The following CEP152 variants were observed in gnomAD, a reference collection of about 807,000 sequenced individuals.
CEP152 encodes the protein centrosomal protein 152.
Under a neutral mutation model 188.9 loss-of-function variants are expected in CEP152, and 132 were observed. That is an observed-to-expected ratio of 0.70 (90% CI 0.61 to 0.81). CEP152 has a LOEUF of 0.81. CEP152 is among the 30% of genes least tolerant of loss of function. CEP152 has a pLI of 0.00. For missense variants in CEP152, 1,914 were observed against 1,969.8 expected (o/e 0.97, Z 0.54); for synonymous variants, 649 against 666.6 (o/e 0.97, Z 0.41).
chr15:48,779,399 A>C (rs1317558560), intron 12 of CEP152, among the ~76,000 whole-genome samples: 6 of 152,240 alleles, frequency 3.9e-5, no homozygotes, highest in Non-Finnish European at 8.8e-5. Context: ...TTGAGAATCA[A>C]GAACATTTAC....
At chr15:48,793,282 C>T (rs1221972447) in intron 7 of CEP152, 39 bp downstream of exon 7, 4 of 1,610,206 alleles carry the variant, frequency 2.5e-6, no homozygotes, top group East Asian at 4.5e-5. Flanking sequence ...AGATATCTAA[C>T]TCAGTGTACC....
chr15:48,737,117 C>T (rs1042823563), downstream of CEP152, among the ~76,000 whole-genome samples: 18 of 152,072 alleles, frequency 1.2e-4, no homozygotes, highest in African/African-American at 4.3e-4. Context: ...CAGAGCTTTC[C>T]AAGCCCAAAA....
Position 48,744,786 on chromosome 15 carries a change from C to T in CEP152, c.3731+110G>A, listed in dbSNP as rs1893282459. 6 of 1,027,296 alleles carry T rather than the reference C, an allele frequency of 5.8e-6. No homozygotes were observed. The South Asian group carries it at 8.7e-5, about 15-fold the overall frequency. 63.6% of individuals were successfully genotyped at this position (1,027,296 alleles called of 1,614,324 possible). A position where few individuals can be genotyped will look rare whatever the true frequency, so the allele number is the denominator to read the frequency against. ...AAATAAGGTTTTGGGGGATTTTCTT[C>T]TTTTTTATACTTTTTGCTGTATAAC... On this transcript the variant is annotated intron_variant, in intron 23 of 26. Transcript: ENST00000380950.
At chr15:48,745,032 T>C (rs748986956) in intron 22 of CEP152, 40 bp from the exon 23 acceptor site, 97 of 1,436,232 alleles carry the variant, frequency 6.8e-5, no homozygotes, top group Non-Finnish European at 5.8e-5. Context: ...CAGTTAAAAA[T>C]TTTTTAAGCC....
At chr15:48,778,823 C>T (rs1896076235) in intron 12 of CEP152, among the ~76,000 whole-genome samples, 1 of 151,994 alleles carries the variant, frequency 6.6e-6, no homozygotes, top group African/African-American at 2.4e-5. Context: ...GTGGCACATG[C>T]CTGTATTCCC....
Position 48,772,581 on chromosome 15 carries a change from A to G in CEP152, c.1688T>C (p.Leu563Pro), listed in dbSNP as rs1407669047. 2 of 1,614,112 alleles carry G rather than the reference A, an allele frequency of 1.2e-6. No homozygotes were observed. The highest frequency in any genetic ancestry group is 1.7e-5 in the Admixed American group (1 of 60,026). The change falls in exon 13 of 27, where the codon CTG becomes CCG. Residue 563 changes from leucine to proline, a missense_variant. Coordinates refer to ENST00000380950, the MANE Select transcript of CEP152 (RefSeq NM_001194998.2). ...GAGGTCATTTTGTAACTGAGACACC[A>G]GATGACGCTTCATTGAGTTGCTACC... ...LLGSNSMKRH[L>P]VSQLQNDLKD...
chr15:48,763,882 T>C (rs1226894030), intron 17 of CEP152, among the ~76,000 whole-genome samples: 1 of 152,206 alleles, frequency 6.6e-6, no homozygotes, highest in Non-Finnish European at 1.5e-5. Flanking sequence ...ATCCATGATA[T>C]GGCTTATTTG....
intron 11 of CEP152, among the ~76,000 whole-genome samples, 181 bp from the exon 12 acceptor site, chr15:48,781,540 A>G (rs1896242638): frequency 6.6e-6 from 1 of 152,190 alleles, no homozygotes; most frequent in African/African-American, 2.4e-5. Flanking sequence ...GTAAAGCCTA[A>G]ATGAATAAAT....
chr15:48,780,344 C>T (rs1370508827), intron 12 of CEP152, among the ~76,000 whole-genome samples: 1 of 152,164 alleles, frequency 6.6e-6, no homozygotes, highest in Non-Finnish European at 1.5e-5. Flanking sequence ...TATATTTCTA[C>T]TTACTGAATC....
At chr15:48,767,543 C>T in intron 15 of CEP152, 80 bp from the exon 16 acceptor site, 6 of 1,580,396 alleles carry the variant, frequency 3.8e-6, no homozygotes, top group Non-Finnish European at 5.2e-6. Flanking sequence ...CCTTCCTCCT[C>T]ACCTCTTCCC....
intron 9 of CEP152, among the ~76,000 whole-genome samples, chr15:48,786,753 A>G (rs924572860): frequency 3.3e-5 from 5 of 152,226 alleles, no homozygotes; most frequent in Admixed American, 2.0e-4. Context: ...AACACCTTCA[A>G]TTTATGGATT....
At chr15:48,793,195 C>G (rs1405402805) in intron 7 of CEP152, 126 bp downstream of exon 7, 2 of 1,070,622 alleles carry the variant, frequency 1.9e-6, no homozygotes, top group African/African-American at 3.1e-5. Flanking sequence ...TTTTGCTATG[C>G]CTCACTCACT....
chr15:48,741,863 A>C, intron 25 of CEP152, 84 bp downstream of exon 25: 1 of 1,612,490 alleles, frequency 6.2e-7, no homozygotes. Context: ...AGAAATAGTT[A>C]ATTTAGTGGT....
intron 2 of CEP152, 157 bp downstream of exon 2, chr15:48,805,406 T>C: frequency 1.1e-6 from 1 of 935,678 alleles, no homozygotes; most frequent in Non-Finnish European, 1.5e-6. Context: ...TATTCACCTT[T>C]TCAGTCTAAA....
rs587783416 is a variant in CEP152, at chr15:48,781,257, T to G, written c.1516A>C (p.Thr506Pro). 1.9e-6 allele frequency: 3 copies of G among 1,613,522 alleles called. No homozygotes were observed. The highest frequency in any genetic ancestry group is 2.5e-6 in the Non-Finnish European group (3 of 1,179,648). Residue 506 changes from threonine (T) to proline (P), a missense_variant, in exon 12 of 27, where the codon ACT becomes CCT. By Grantham distance (38) the Thr-to-Pro change is conservative. Coordinates refer to ENST00000380950, the MANE Select transcript of CEP152 (RefSeq NM_001194998.2). Reference sequence around the variant, plus strand: ...ATACCCAAATCCACATACGATTCAGTGAGTTCTATATTTAATTCTCCTTCT... The same window carrying G: ...ATACCCAAATCCACATACGATTCAGGGAGTTCTATATTTAATTCTCCTTCT... ...DSEGELNIEL[T>P]ESYVDLGIKK... is the part of the protein sequence containing the mutation.
intron 17 of CEP152, among the ~76,000 whole-genome samples, chr15:48,766,844 C>T (rs925777058): frequency 6.6e-6 from 1 of 151,018 alleles, no homozygotes; most frequent in African/African-American, 2.4e-5. Context: ...TCACTTTCTC[C>T]TATCTATATG....
chr15:48,730,932 T>C (rs1595571484), intron 2 of CEP152, among the ~76,000 whole-genome samples: 1 of 152,200 alleles, frequency 6.6e-6, no homozygotes, highest in Non-Finnish European at 1.5e-5. Context: ...TTTCCAGTTT[T>C]CAACAAATTT....
At chr15:48,766,939 T>G (rs1161750527) in intron 17 of CEP152, 121 bp downstream of exon 17, 4 of 1,328,942 alleles carry the variant, frequency 3.0e-6, no homozygotes, top group Non-Finnish European at 4.3e-6. Flanking sequence ...CAGCCAAAAG[T>G]AAAGAGAACA....
chr15:48,745,354 G>T (rs892765215), intron 22 of CEP152, among the ~76,000 whole-genome samples: 1 of 151,942 alleles, frequency 6.6e-6, no homozygotes, highest in Non-Finnish European at 1.5e-5. Context: ...TCATATAAAC[G>T]ATCATTGAAC....
Sources: gnomAD v4.1 joint callset for allele counts (sites outside exome capture counted in the v4.1 genomes callset) on GRCh38, gnomAD v4.1.1 for gene constraint, MANE v1.5 for transcripts, NCBI Gene and HGNC (gene_info 2026-07-23, HGNC 2026-07-21) for gene names.